The following DCLK1 variants were observed in gnomAD, a reference collection of about 807,000 sequenced individuals.
DCLK1 encodes serine/threonine-protein kinase DCLK1.
In DCLK1, 16 loss-of-function variants were observed where a neutral mutation model predicts 86.2. The ratio of observed to expected loss-of-function variants is 0.19; its 90% confidence interval spans 0.13 to 0.28. The LOEUF (loss-of-function observed/expected upper bound fraction) is 0.28, where lower values mean the gene tolerates loss of function less well. Among genes scored for constraint, DCLK1 ranks in the 10% least tolerant of loss-of-function variants. The probability of loss-of-function intolerance (pLI) is 1.00; values close to 1 mark genes in which losing one functional copy is unlikely to be tolerated. For missense variants in DCLK1, 590 were observed against 940.2 expected (o/e 0.63, Z 4.87); for synonymous variants, 369 against 370.5 (o/e 1.00, Z 0.05).
At chr13:35,781,968 T>C (rs895165469) in intron 16 of DCLK1, among the ~76,000 whole-genome samples, 1 of 152,174 alleles carries the variant, frequency 6.6e-6, no homozygotes, top group African/African-American at 2.4e-5. Context: ...TTTGCTTTCA[T>C]ATCCTTTTGA....
rs574554475 is a variant in DCLK1 at position 35,856,666 on chromosome 13, A to G, written c.941-2073T>C. 2.6e-4 allele frequency among the ~76,000 whole-genome samples: 40 copies of G among 152,352 alleles called. No homozygotes were observed. The South Asian group carries it at 8.3e-3, about 32-fold the overall frequency. On this transcript the variant is annotated intron_variant, in intron 5 of 16. Coordinates refer to ENST00000360631, the MANE Select transcript of DCLK1 (RefSeq NM_001330071.2). ...GCAAAACAAAACAATAAAAGCCTGTAAGTATTTAGTAAGTATCCATTGTAT... is the reference window on the plus strand; with the variant it reads ...GCAAAACAAAACAATAAAAGCCTGTGAGTATTTAGTAAGTATCCATTGTAT...
intron 3 of DCLK1, among the ~76,000 whole-genome samples, chr13:36,025,967 G>C (rs546951206): frequency 2.0e-5 from 3 of 152,020 alleles, no homozygotes; most frequent in Non-Finnish European, 1.5e-5. Flanking sequence ...GGTCATGGTG[G>C]GGGGAGAGGA....
At chr13:35,927,790 A>T (rs957289060) in intron 4 of DCLK1, among the ~76,000 whole-genome samples, 1 of 152,180 alleles carries the variant, frequency 6.6e-6, no homozygotes, top group African/African-American at 2.4e-5. Context: ...GACTCATGTG[A>T]TATCAGCCTG....
intron 15 of DCLK1, among the ~76,000 whole-genome samples, chr13:35,803,597 T>C (rs1299329132): frequency 6.6e-6 from 1 of 152,190 alleles, no homozygotes; most frequent in Non-Finnish European, 1.5e-5. Context: ...AATCTAGACC[T>C]ATGGCCATCT....
At chr13:36,115,834 T>G (rs1328160196) in intron 2 of DCLK1, among the ~76,000 whole-genome samples, 2 of 150,880 alleles carry the variant, frequency 1.3e-5, no homozygotes, top group East Asian at 3.9e-4. Context: ...TGAAAGATTT[T>G]AGTATTTTCA....
At chr13:35,955,342 A>C (rs1295024345) in intron 3 of DCLK1, among the ~76,000 whole-genome samples, 1 of 152,102 alleles carries the variant, frequency 6.6e-6, no homozygotes, top group Non-Finnish European at 1.5e-5. Context: ...CTGGAAGTTC[A>C]AGATCGAGGC....
At chr13:35,824,485 C>T (rs2087474551) in intron 10 of DCLK1, among the ~76,000 whole-genome samples, 1 of 152,134 alleles carries the variant, frequency 6.6e-6, no homozygotes, top group Non-Finnish European at 1.5e-5. Context: ...TGGCTCCTTT[C>T]TTCTTTGTCC....
chr13:36,099,730 A>G (rs1593889234), intron 3 of DCLK1, among the ~76,000 whole-genome samples: 1 of 152,350 alleles, frequency 6.6e-6, no homozygotes, highest in East Asian at 1.9e-4. Flanking sequence ...CTCTTGATCC[A>G]ATTTGGCAAA....
intron 14 of DCLK1, among the ~76,000 whole-genome samples, chr13:35,807,892 G>C (rs1036799694): frequency 3.3e-5 from 5 of 152,200 alleles, no homozygotes; most frequent in African/African-American, 1.2e-4. Context: ...GTCAAGAGCT[G>C]AGAGAGGTGA....
At position 36,097,637 on chromosome 13, in the gene DCLK1, T is replaced by C. The variant is rs147370339; in HGVS notation, c.723+14232A>G. On this transcript the variant is annotated intron_variant, in intron 3 of 16. Coordinates refer to ENST00000360631, the MANE Select transcript of DCLK1 (RefSeq NM_001330071.2). ...AGGAATCAAAATAGCAAGAAACACT[T>C]AGAAGAAATTGAAAGAAGACATTTC... 2.5e-3 allele frequency among the ~76,000 whole-genome samples: 388 copies of C among 152,270 alleles called. 1 individual carries two copies. The highest frequency in any genetic ancestry group is 8.3e-3 in the African/African-American group (345 of 41,564).
intron 3 of DCLK1, among the ~76,000 whole-genome samples, chr13:36,097,256 G>A (rs891957803): frequency 6.6e-6 from 1 of 152,198 alleles, no homozygotes; most frequent in African/African-American, 2.4e-5. Flanking sequence ...GCAGATGAAG[G>A]AACTTTCTTG....
chr13:35,983,800 T>C (rs1246924743), intron 3 of DCLK1, among the ~76,000 whole-genome samples: 1 of 152,182 alleles, frequency 6.6e-6, no homozygotes, highest in Non-Finnish European at 1.5e-5. Flanking sequence ...AACTAGTGAA[T>C]ACAGGAGACA....
intron 3 of DCLK1, among the ~76,000 whole-genome samples, chr13:35,999,035 A>G (rs1438137085): frequency 6.6e-6 from 1 of 152,152 alleles, no homozygotes; most frequent in East Asian, 1.9e-4. Flanking sequence ...AAGGCAGATC[A>G]CCTGAAGTCA....
chr13:35,795,350 G>A (rs2086786611), intron 15 of DCLK1, among the ~76,000 whole-genome samples: 1 of 152,192 alleles, frequency 6.6e-6, no homozygotes, highest in Non-Finnish European at 1.5e-5. Flanking sequence ...TGAAAAAACA[G>A]AAGACTGGCC....
intron 10 of DCLK1, among the ~76,000 whole-genome samples, chr13:35,826,739 C>T (rs1413153471): frequency 6.6e-6 from 1 of 152,042 alleles, no homozygotes. Flanking sequence ...ATGCTTTCCT[C>T]GTCTTGAATT....
At chr13:35,789,968 A>G (rs373768894) in intron 16 of DCLK1, among the ~76,000 whole-genome samples, 2 of 152,082 alleles carry the variant, frequency 1.3e-5, no homozygotes, top group African/African-American at 2.4e-5. Context: ...GAATGCTGCA[A>G]TTCTAAGGAA....
In DCLK1 at chr13:35,769,102, A is replaced by C. The variant is rs2086282602; in HGVS notation, c.*5433T>G. 1 of 152,218 alleles carries C rather than the reference A, an allele frequency of 6.6e-6. No individual in the cohort carries two copies. The highest frequency in any genetic ancestry group is 1.5e-5 in the Non-Finnish European group (1 of 68,034). 9.4% of individuals were successfully genotyped at this position (152,218 alleles called of 1,614,324 possible). A position where few individuals can be genotyped will look rare whatever the true frequency, so the allele number is the denominator to read the frequency against. On this transcript the variant is annotated 3_prime_UTR_variant, in exon 17 of 17. Transcript: ENST00000360631. ...TATATCACAGATGATTTCATTCCAC[A>C]TTAACCTACATGTATCAGCTTAAAC...
chr13:36,118,435 T>C (rs751970686), intron 2 of DCLK1, among the ~76,000 whole-genome samples: 2 of 152,130 alleles, frequency 1.3e-5, no homozygotes. Context: ...ACTGAAGTGA[T>C]GACACTGAAA....
intron 6 of DCLK1, chr13:35,850,803 TG>T: frequency 1.9e-6 from 3 of 1,558,012 alleles, no homozygotes; most frequent in Non-Finnish European, 1.7e-6. Context: ...AGTATAGATT[TG>T]TTTACTCGGC....
Sources: gnomAD v4.1 joint callset for allele counts (sites outside exome capture counted in the v4.1 genomes callset) on GRCh38, gnomAD v4.1.1 for gene constraint, MANE v1.5 for transcripts, NCBI Gene and HGNC (gene_info 2026-07-23, HGNC 2026-07-21) for gene names.